The following KCNJ6 variants were observed in gnomAD, a reference collection of about 807,000 sequenced individuals.
The protein encoded by KCNJ6 is G protein-activated inward rectifier potassium channel 2.
A neutral mutation model predicts 34.2 loss-of-function variants in KCNJ6; 9 were observed. The ratio of observed to expected loss-of-function variants is 0.26; its 90% CI spans 0.16 to 0.46. KCNJ6 has a LOEUF of 0.46. Ranked by LOEUF, KCNJ6 falls within the 20% of genes least tolerant of loss-of-function variation. KCNJ6 has a pLI of 1.00. For synonymous variants in KCNJ6, 196 were observed against 207.1 expected (o/e 0.95, Z 0.46); for missense variants, 236 against 531.3 (o/e 0.44, Z 5.46).
intron 1 of KCNJ6, among the ~76,000 whole-genome samples, chr21:37,874,967 A>C (rs1249500246): frequency 6.6e-6 from 1 of 152,200 alleles, no homozygotes; most frequent in Non-Finnish European, 1.5e-5. Flanking sequence ...TAGTCCTTTC[A>C]AAACATAAGT....
At chr21:37,642,149 G>C (rs141865264) in intron 3 of KCNJ6, among the ~76,000 whole-genome samples, 1 of 152,304 alleles carries the variant, frequency 6.6e-6, no homozygotes, top group African/African-American at 2.4e-5. Context: ...CTACAGAAGA[G>C]GCCTTGGTTA....
intron 1 of KCNJ6, among the ~76,000 whole-genome samples, chr21:37,884,061 G>A (rs1161038562): frequency 6.6e-6 from 1 of 152,124 alleles, no homozygotes; most frequent in Non-Finnish European, 1.5e-5. Flanking sequence ...CCAGAAGGTT[G>A]GCATCTGTTT....
intron 2 of KCNJ6, among the ~76,000 whole-genome samples, chr21:37,822,215 G>A (rs149688616): frequency 1.1e-4 from 16 of 152,306 alleles, no homozygotes; most frequent in Non-Finnish European, 1.8e-4. Flanking sequence ...GCTAGGAGCT[G>A]GGGAGTGGCT....
chr21:37,715,349 A>G (rs2054784933), intron 2 of KCNJ6, among the ~76,000 whole-genome samples: 1 of 152,194 alleles, frequency 6.6e-6, no homozygotes, highest in African/African-American at 2.4e-5. Flanking sequence ...GTACTTCACC[A>G]TCCTGCCCAC....
chr21:37,763,925 C>G (rs777813566), intron 2 of KCNJ6, among the ~76,000 whole-genome samples: 2 of 152,164 alleles, frequency 1.3e-5, no homozygotes. Flanking sequence ...ATGTTGTGCA[C>G]ATGTACCCTA....
intron 3 of KCNJ6, among the ~76,000 whole-genome samples, chr21:37,673,334 G>T (rs889047705): frequency 6.6e-6 from 1 of 152,258 alleles, no homozygotes; most frequent in Non-Finnish European, 1.5e-5. Context: ...TCCATCTCCA[G>T]CTGGACTGTC....
At position 37,714,751 on chromosome 21, in the gene KCNJ6, G is replaced by T; in HGVS notation, c.406C>A (p.Leu136Ile). The T allele has an allele frequency of 6.2e-7, 1 of 1,614,186 alleles. No individual in the cohort carries two copies. The highest frequency in any genetic ancestry group is 1.1e-5 in the South Asian group (1 of 91,078). ...DPSWTPCVTN[L>I]NGFVSAFLFS... ...AAAAAAGCAGAGACGAACCCGTTGA[G>T]GTTGGTAACACAAGGAGTCCAGGAG... The change falls in exon 3 of 4, where the codon CTC becomes ATC. Residue 136 changes from leucine to isoleucine, a missense_variant. This residue lies in a region of KCNJ6 where 68 missense variants were observed against 165.7 expected (regional missense o/e 0.41). Coordinates refer to ENST00000609713, the MANE Select transcript of KCNJ6 (RefSeq NM_002240.5). The surrounding 1 kb of genome is among the most constrained non-coding windows in gnomAD (Gnocchi z 5.9).
At chr21:37,809,928 T>C (rs1381385588) in intron 2 of KCNJ6, among the ~76,000 whole-genome samples, 1 of 152,226 alleles carries the variant, frequency 6.6e-6, no homozygotes, top group Non-Finnish European at 1.5e-5. Flanking sequence ...TGAATTTCCT[T>C]TCCAACCCAC....
chr21:37,873,557 A>G (rs1257191981), intron 1 of KCNJ6, among the ~76,000 whole-genome samples: 5 of 152,196 alleles, frequency 3.3e-5, no homozygotes, highest in African/African-American at 4.8e-5. Flanking sequence ...AGCAGTGTGC[A>G]TACTCGTCTA....
chr21:37,727,200 C>T (rs2054859146), intron 2 of KCNJ6, among the ~76,000 whole-genome samples: 1 of 152,224 alleles, frequency 6.6e-6, no homozygotes, highest in South Asian at 2.1e-4. Flanking sequence ...CGACTTTGGA[C>T]TCTGACCTCT....
At chr21:37,891,909 G>C (rs1005999061) in intron 1 of KCNJ6, among the ~76,000 whole-genome samples, 1 of 152,128 alleles carries the variant, frequency 6.6e-6, no homozygotes, top group African/African-American at 2.4e-5. Flanking sequence ...CTCAAGTGTG[G>C]GATGGGGAAG....
intron 2 of KCNJ6, among the ~76,000 whole-genome samples, chr21:37,734,416 C>CTCCGCTAT (rs1339559763): frequency 6.6e-6 from 1 of 152,100 alleles, no homozygotes; most frequent in Non-Finnish European, 1.5e-5. Flanking sequence ...GAGAGAGCAC[C>CTCCGCTAT]AGCGAGGAGT....
At chr21:37,864,066 C>T (rs575654792) in intron 1 of KCNJ6, among the ~76,000 whole-genome samples, 3 of 151,538 alleles carry the variant, frequency 2.0e-5, no homozygotes, top group South Asian at 2.1e-4. Context: ...CAACAGCTGA[C>T]GCTTGACAGA....
intron 3 of KCNJ6, among the ~76,000 whole-genome samples, chr21:37,703,192 A>T (rs2835899): frequency 0.4 from 61,290 of 151,998 alleles, 12,747 homozygotes; most frequent in Admixed American, 0.45. Context: ...ACTATTAGGA[A>T]AAATTGGTGA....
chr21:37,778,692 TGTGC>T (rs145978913), intron 2 of KCNJ6, among the ~76,000 whole-genome samples: 676 of 132,822 alleles, frequency 5.1e-3, no homozygotes, highest in African/African-American at 0.019. Context: ...CCGTGTGCTG[TGTGC>T]GTGTGTGTGT....
rs917035893 is a variant in KCNJ6 at position 37,616,985 on chromosome 21, C to CTCTT, written c.*8170_*8173dup. ...GAGGTGGGGATGTGCGATTTCTTTT[C>CTCTT]TCTTTCTTTCTTTCTCTTTCTTTTC... is the stretch of plus-strand genomic sequence containing the variant. On this transcript the variant is annotated 3_prime_UTR_variant, in exon 4 of 4. Transcript: ENST00000609713. 1 of 146,166 alleles carries CTCTT rather than the reference C, an allele frequency of 6.8e-6. No homozygotes were observed. Among genetic ancestry groups the CTCTT allele is most frequent in the Non-Finnish European group, 1.5e-5 (1 of 66,736 alleles). 9.1% of individuals were successfully genotyped at this position (146,166 alleles called of 1,614,324 possible).
intron 3 of KCNJ6, among the ~76,000 whole-genome samples, chr21:37,636,309 C>T (rs2054357772): frequency 6.6e-6 from 1 of 152,224 alleles, no homozygotes; most frequent in Non-Finnish European, 1.5e-5. Context: ...GTATCCCCAG[C>T]GCAGTCAAAC....
At chr21:37,778,756 C>T (rs1390515635) in intron 2 of KCNJ6, among the ~76,000 whole-genome samples, 10 of 151,418 alleles carry the variant, frequency 6.6e-5, no homozygotes, top group African/African-American at 2.4e-4. Context: ...ATCAAGACAA[C>T]ATGTTCCCAT....
intron 3 of KCNJ6, among the ~76,000 whole-genome samples, chr21:37,712,521 CT>C (rs2054760287): frequency 6.7e-5 from 6 of 89,366 alleles, no homozygotes; most frequent in South Asian, 4.5e-4. Flanking sequence ...CCTCTCCTTC[CT>C]CCCTTTCTCT....
Sources: allele counts gnomAD v4.1 joint callset (sites outside exome capture counted in the v4.1 genomes callset), GRCh38; gene constraint gnomAD v4.1.1; regional missense constraint gnomAD v4.1.1; non-coding constraint Gnocchi (gnomAD v3.1); transcripts MANE v1.5; gene names NCBI Gene and HGNC (gene_info 2026-07-23, HGNC 2026-07-21).